The following STMN2 variants were observed in gnomAD, a reference collection of about 807,000 sequenced individuals.
STMN2 encodes stathmin-2.
STMN2 carries 2 observed loss-of-function variants against 24.1 expected under a neutral mutation model. The ratio of observed to expected loss-of-function variants is 0.08; its 90% confidence interval spans 0.03 to 0.26. The LOEUF (loss-of-function observed/expected upper bound fraction) is 0.26, where lower values mean the gene tolerates loss of function less well. STMN2 is among the 10% of genes least tolerant of loss of function. STMN2 has a pLI of 1.00. For synonymous variants in STMN2, 83 were observed against 77.5 expected (o/e 1.07, Z -0.37); for missense variants, 114 against 213.6 (o/e 0.53, Z 2.91).
At chr8:79,641,624 G>GCACACACACA in intron 3 of STMN2, 74 bp downstream of exon 3, 2 of 476,320 alleles carry the variant, frequency 4.2e-6, no homozygotes, top group Admixed American at 3.6e-5. Context: ...GGGCACACAT[G>GCACACACACA]CACGCACACA....
chr8:79,653,195 G>A (rs1238847279), intron 3 of STMN2, among the ~76,000 whole-genome samples: 1 of 151,980 alleles, frequency 6.6e-6, no homozygotes, highest in African/African-American at 2.4e-5. Context: ...TGGCCAACAT[G>A]ACGAAACCCC....
At chr8:79,641,158 T>C (rs1810087351) in intron 2 of STMN2, among the ~76,000 whole-genome samples, 1 of 152,226 alleles carries the variant, frequency 6.6e-6, no homozygotes, top group African/African-American at 2.4e-5. Context: ...AATTTCTCAA[T>C]ATGGTAAATA....
chr8:79,622,321 CTAGA>C (rs1171338234), intron 1 of STMN2, among the ~76,000 whole-genome samples: 1 of 152,074 alleles, frequency 6.6e-6, no homozygotes, highest in Non-Finnish European at 1.5e-5. Context: ...CCCTGATTCC[CTAGA>C]TAAATGATGA....
chr8:79,648,891 C>G (rs1417944793), intron 3 of STMN2, among the ~76,000 whole-genome samples: 2 of 151,978 alleles, frequency 1.3e-5, no homozygotes, highest in Non-Finnish European at 2.9e-5. Context: ...ATTGTGAAAA[C>G]AAAAGGATTT....
At chr8:79,627,479 GA>G (rs1294734706) in intron 1 of STMN2, among the ~76,000 whole-genome samples, 5 of 152,148 alleles carry the variant, frequency 3.3e-5, no homozygotes, top group African/African-American at 1.2e-4. Flanking sequence ...TGAGTATCAA[GA>G]ATTCAAAGGG....
At chr8:79,628,955 A>G (rs1484626379) in intron 1 of STMN2, among the ~76,000 whole-genome samples, 2 of 152,250 alleles carry the variant, frequency 1.3e-5, no homozygotes, top group African/African-American at 2.4e-5. Context: ...AGTTCAGGCT[A>G]TGATGTGATA....
chr8:79,618,932 T>G (rs546721929), intron 1 of STMN2, among the ~76,000 whole-genome samples: 13 of 152,148 alleles, frequency 8.5e-5, no homozygotes, highest in Admixed American at 2.6e-4. Flanking sequence ...ACCTCCAGAG[T>G]AAAATATTTA....
intron 1 of STMN2, among the ~76,000 whole-genome samples, chr8:79,620,555 G>A (rs776763880): frequency 1.2e-4 from 19 of 152,200 alleles, no homozygotes; most frequent in Non-Finnish European, 2.4e-4. Flanking sequence ...TCCTGTACAT[G>A]TCAGAAAGTT....
At chr8:79,614,437 G>A (rs1019476105) in intron 1 of STMN2, among the ~76,000 whole-genome samples, 10 of 152,226 alleles carry the variant, frequency 6.6e-5, no homozygotes, top group African/African-American at 2.4e-4. Context: ...CAGAATTTCA[G>A]GATAAAACTG....
chr8:79,664,688 C>A, intron 4 of STMN2, 127 bp from the exon 5 acceptor site: 1 of 673,354 alleles, frequency 1.5e-6, no homozygotes, highest in Non-Finnish European at 2.3e-6. Context: ...CCCATATTTT[C>A]CTTCTGAAAT....
At chr8:79,646,415 T>C (rs1810219106) in intron 3 of STMN2, among the ~76,000 whole-genome samples, 1 of 151,504 alleles carries the variant, frequency 6.6e-6, no homozygotes, top group African/African-American at 2.4e-5. Flanking sequence ...ATATTATATG[T>C]TATTATTACT....
chr8:79,645,980 T>C (rs1306073304), intron 3 of STMN2, among the ~76,000 whole-genome samples: 1 of 152,218 alleles, frequency 6.6e-6, no homozygotes, highest in African/African-American at 2.4e-5. Flanking sequence ...TGCTTGGCAA[T>C]AGTTATTACT....
At chr8:79,617,527 AG>A (rs1809412288) in intron 1 of STMN2, among the ~76,000 whole-genome samples, 1 of 152,238 alleles carries the variant, frequency 6.6e-6, no homozygotes, top group African/African-American at 2.4e-5. Flanking sequence ...AGTTCATTTC[AG>A]GGTCTCTCAG....
At chr8:79,629,897 A>T (rs1306727122) in intron 1 of STMN2, among the ~76,000 whole-genome samples, 1 of 152,226 alleles carries the variant, frequency 6.6e-6, no homozygotes, top group East Asian at 1.9e-4. Context: ...ACTCAGATCT[A>T]AAACAGCAAT....
chr8:79,620,183 A>G (rs988709427), intron 1 of STMN2, among the ~76,000 whole-genome samples: 28 of 148,200 alleles, frequency 1.9e-4, no homozygotes, highest in Non-Finnish European at 7.4e-5. Context: ...ATATTATAAC[A>G]TATAATATAT....
At chr8:79,652,480 T>A (rs913927530) in intron 3 of STMN2, among the ~76,000 whole-genome samples, 3 of 152,158 alleles carry the variant, frequency 2.0e-5, no homozygotes, top group Non-Finnish European at 4.4e-5. Flanking sequence ...GGACTTGGAC[T>A]CTCATCAACC....
At chr8:79,638,380 G>A (rs1810015660) in intron 2 of STMN2, among the ~76,000 whole-genome samples, 1 of 152,204 alleles carries the variant, frequency 6.6e-6, no homozygotes, top group South Asian at 2.1e-4. Context: ...TTATTTGCCT[G>A]CGTTCTCTTA....
intron 4 of STMN2, among the ~76,000 whole-genome samples, chr8:79,657,194 T>G (rs571414273): frequency 2.0e-4 from 30 of 152,324 alleles, no homozygotes; most frequent in African/African-American, 6.3e-4. Flanking sequence ...CTTCTTGATT[T>G]CAATTGTAAA....
intron 4 of STMN2, 66 bp from the exon 5 acceptor site, chr8:79,664,749 G>C: frequency 6.6e-7 from 1 of 1,523,868 alleles, no homozygotes; most frequent in Non-Finnish European, 9.0e-7. Context: ...CTAGTCAAGC[G>C]CATGGTACGC....
Sources: gnomAD v4.1 joint callset for allele counts (sites outside exome capture counted in the v4.1 genomes callset) on GRCh38, gnomAD v4.1.1 for gene constraint, MANE v1.5 for transcripts, NCBI Gene and HGNC (gene_info 2026-07-23, HGNC 2026-07-21) for gene names.